The following PHLDB2 variants were observed in gnomAD, a reference collection of about 807,000 sequenced individuals.
The protein encoded by PHLDB2 is pleckstrin homology-like domain family B member 2.
PHLDB2 carries 71 observed loss-of-function variants against 123.6 expected under a neutral mutation model. The ratio of observed to expected loss-of-function variants is 0.57; its 90% confidence interval spans 0.47 to 0.70. The LOEUF is 0.70. Ranked by LOEUF, PHLDB2 falls within the 30% of genes least tolerant of loss-of-function variation. The pLI is 0.00. For synonymous variants in PHLDB2, 547 were observed against 541.6 expected (o/e 1.01, Z -0.14); for missense variants, 1,446 against 1,519.5 (o/e 0.95, Z 0.80).
chr3:111,858,059 G>A (rs764549349), upstream of PHLDB2, among the ~76,000 whole-genome samples: 2 of 152,164 alleles, frequency 1.3e-5, no homozygotes, highest in African/African-American at 4.8e-5. Flanking sequence ...CAACCCAAGT[G>A]CCCATCAATG....
At chr3:111,738,314 A>G (rs1351080867) in intron 1 of PHLDB2, among the ~76,000 whole-genome samples, 1 of 152,208 alleles carries the variant, frequency 6.6e-6, no homozygotes, top group Non-Finnish European at 1.5e-5. Context: ...ATAGCCCAAC[A>G]GAGGCATCCT....
chr3:111,878,465 G>T (rs1463978139), intron 1 of PHLDB2, among the ~76,000 whole-genome samples: 1 of 152,098 alleles, frequency 6.6e-6, no homozygotes, highest in Non-Finnish European at 1.5e-5. Flanking sequence ...GAGACGATGG[G>T]GTTTTCTAAA....
At chr3:111,839,685 T>C (rs978665489) in intron 1 of PHLDB2, among the ~76,000 whole-genome samples, 1 of 152,072 alleles carries the variant, frequency 6.6e-6, no homozygotes, top group Admixed American at 6.6e-5. Flanking sequence ...GGTTATAATC[T>C]CTAGGAAAAA....
chr3:111,968,986 C>T (rs1017306178), intron 15 of PHLDB2, among the ~76,000 whole-genome samples: 1 of 152,172 alleles, frequency 6.6e-6, no homozygotes, highest in African/African-American at 2.4e-5. Context: ...TTAGAACTAT[C>T]ACCCATGGTG....
intron 1 of PHLDB2, chr3:111,778,122 T>C (rs1357390571): frequency 6.6e-6 from 1 of 152,128 alleles, no homozygotes; most frequent in Non-Finnish European, 1.5e-5. Context: ...TTATGGGTTA[T>C]GTTTCCCCAA....
At chr3:111,949,952 GA>G (rs1175917651) in intron 10 of PHLDB2, 7 of 950,050 alleles carry the variant, frequency 7.4e-6, no homozygotes, top group Middle Eastern at 5.3e-4. Context: ...TTACTTATGT[GA>G]AATCTTTTCT....
chr3:111,969,734 T>G lies in PHLDB2; in HGVS notation c.3360T>G (p.Phe1120Leu). The G allele has an allele frequency of 6.2e-7, 1 of 1,614,068 alleles. No homozygotes were observed. The highest frequency in any genetic ancestry group is 8.5e-7 in the Non-Finnish European group (1 of 1,179,912). Residue 1120 changes from phenylalanine (F) to leucine (L), a missense_variant, in exon 16 of 18, where the codon TTT becomes TTG. By Grantham distance (22) the Phe-to-Leu change is conservative. This residue lies in a region of PHLDB2 where 594 missense variants were observed against 646.0 expected (regional missense o/e 0.92). Coordinates refer to ENST00000431670, the MANE Select transcript of PHLDB2 (RefSeq NM_001134438.2). Reference sequence around the variant, plus strand: ...ACCTGCCTGTCCGGAAGGAAGACTTTGATTTGCGGAGCCATGTAGAGACTG... The same window carrying G: ...ACCTGCCTGTCCGGAAGGAAGACTTGGATTTGCGGAGCCATGTAGAGACTG... ...TRYLPVRKEDFDLRSHVETAG... is the reference protein window; with the variant it reads ...TRYLPVRKEDLDLRSHVETAG...
chr3:111,771,341 C>T (rs1559822535), intron 1 of PHLDB2, among the ~76,000 whole-genome samples: 1 of 114,116 alleles, frequency 8.8e-6, no homozygotes, highest in East Asian at 3.1e-4. Flanking sequence ...CACCCCATCA[C>T]TGCCTTCATC....
chr3:111,837,305 A>G (rs998899396), intron 1 of PHLDB2, among the ~76,000 whole-genome samples: 2 of 152,196 alleles, frequency 1.3e-5, no homozygotes, highest in African/African-American at 2.4e-5. Flanking sequence ...GCAACCTTGT[A>G]CAATATTCCT....
intron 13 of PHLDB2, among the ~76,000 whole-genome samples, chr3:111,962,663 G>A (rs767220231): frequency 5.3e-5 from 8 of 152,070 alleles, no homozygotes; most frequent in East Asian, 1.9e-4. Context: ...GCACAGTGGC[G>A]CATGCCTGTA....
intron 5 of PHLDB2, among the ~76,000 whole-genome samples, chr3:111,928,932 T>C (rs2068956090): frequency 6.6e-6 from 1 of 152,158 alleles, no homozygotes; most frequent in African/African-American, 2.4e-5. Context: ...CTAATCTTAA[T>C]TTTTTCAATA....
chr3:111,810,000 A>T (rs1420425454), intron 1 of PHLDB2, among the ~76,000 whole-genome samples: 1 of 152,144 alleles, frequency 6.6e-6, no homozygotes, highest in Non-Finnish European at 1.5e-5. Context: ...GTAATTTTTT[A>T]AAACTTTTTT....
chr3:111,901,135 G>T (rs1042409542), intron 2 of PHLDB2, among the ~76,000 whole-genome samples: 1 of 151,964 alleles, frequency 6.6e-6, no homozygotes, highest in Non-Finnish European at 1.5e-5. Flanking sequence ...CGAGGCGGGC[G>T]AATCACGAGG....
chr3:111,788,225 A>G (rs111592234), intron 1 of PHLDB2, among the ~76,000 whole-genome samples: 1 of 152,192 alleles, frequency 6.6e-6, no homozygotes, highest in Non-Finnish European at 1.5e-5. Flanking sequence ...TTTTTTTTTA[A>G]TGTCATTTCA....
intron 1 of PHLDB2, among the ~76,000 whole-genome samples, chr3:111,831,013 G>GAAAGAAAGAAAGAAAAA (rs1553736465): frequency 2.0e-5 from 2 of 102,082 alleles, no homozygotes; most frequent in African/African-American, 4.9e-5. Flanking sequence ...AAGAAAGAAA[G>GAAAGAAAGAAAGAAAAA]AAAGAAAGAA....
intron 2 of PHLDB2, chr3:111,911,638 G>A (rs1341751346): frequency 3.9e-6 from 6 of 1,536,216 alleles, no homozygotes; most frequent in Admixed American, 2.0e-5. Context: ...CAAGATGAGA[G>A]TGTGTAGCTA....
chr3:111,813,880 G>A (rs577493611), intron 1 of PHLDB2, among the ~76,000 whole-genome samples: 2 of 152,184 alleles, frequency 1.3e-5, no homozygotes, highest in African/African-American at 2.4e-5. Flanking sequence ...ACTAAAGAAG[G>A]CCTGTTTCAA....
At chr3:111,745,813 AAAGAAAAGAG>A (rs1310640874) in intron 1 of PHLDB2, among the ~76,000 whole-genome samples, 2 of 151,952 alleles carry the variant, frequency 1.3e-5, no homozygotes, top group Non-Finnish European at 2.9e-5. Flanking sequence ...AAGAAAGAAG[AAAGAAAAGAG>A]AAGAGAAGAG....
chr3:111,820,465 T>G (rs2062318114), intron 1 of PHLDB2, among the ~76,000 whole-genome samples: 1 of 152,216 alleles, frequency 6.6e-6, no homozygotes, highest in African/African-American at 2.4e-5. Context: ...CAAGGAAAGC[T>G]AGTCCTGGCT....
Sources: gnomAD v4.1 joint callset for allele counts (sites outside exome capture counted in the v4.1 genomes callset) on GRCh38, gnomAD v4.1.1 for gene constraint, gnomAD v4.1.1 regional missense constraint, MANE v1.5 for transcripts, NCBI Gene and HGNC (gene_info 2026-07-23, HGNC 2026-07-21) for gene names.